NIPA2: variants seen among roughly 807,000 people sequenced by gnomAD.
The protein encoded by NIPA2 is magnesium transporter NIPA2.
NIPA2 carries 11 observed loss-of-function variants against 29.7 expected under a neutral mutation model. That is an observed-to-expected ratio of 0.37 (90% CI 0.23 to 0.61). NIPA2 has a LOEUF of 0.61. Ranked by LOEUF, NIPA2 falls within the 20% of genes least tolerant of loss-of-function variation. NIPA2 has a pLI of 0.66. For missense variants in NIPA2, 426 were observed against 437.9 expected, an observed-to-expected ratio of 0.97 and a Z score of 0.24; for synonymous variants, 183 against 161.9, an observed-to-expected ratio of 1.13 and a Z score of -0.99.
In NIPA2 at chr15:22,867,006, TAAAC is replaced by T. The variant is rs538797119; in HGVS notation, c.*166_*169del. 13 of 667,452 alleles carry T rather than the reference TAAAC, an allele frequency of 1.9e-5. No individual in the cohort carries two copies. Among genetic ancestry groups the T allele is most frequent in the Admixed American group, 1.3e-4 (4 of 29,818 alleles). 41.3% of individuals were successfully genotyped at this position (667,452 alleles called of 1,614,324 possible). On this transcript the variant is annotated 3_prime_UTR_variant, in exon 8 of 8. Coordinates refer to ENST00000337451, the MANE Select transcript of NIPA2 (RefSeq NM_030922.7). Reference sequence around the variant, plus strand: ...ACCAAGAAATTACTTTTCTTGTATTTAAACAAACAATGGTAGCTCACTAAAATGA... The same window carrying T: ...ACCAAGAAATTACTTTTCTTGTATTTAAACAATGGTAGCTCACTAAAATGA...
intron 7 of NIPA2, among the ~76,000 whole-genome samples, chr15:22,865,941 G>C (rs1409059049): frequency 6.6e-6 from 1 of 151,980 alleles, no homozygotes; most frequent in Non-Finnish European, 1.5e-5. Context: ...CTCTTGCCTG[G>C]TGAGCTAGAG....
At chr15:22,851,914 C>T (rs1382382239) in intron 4 of NIPA2, 44 bp downstream of exon 4, 5 of 1,532,276 alleles carry the variant, frequency 3.3e-6, no homozygotes, top group African/African-American at 1.4e-5. Context: ...TCAGTGTCTA[C>T]CTACATGCAC....
At chr15:22,864,610 C>T (rs1261977823) in intron 7 of NIPA2, among the ~76,000 whole-genome samples, 2 of 152,150 alleles carry the variant, frequency 1.3e-5, no homozygotes, top group African/African-American at 2.4e-5. Flanking sequence ...CTCTGTGGCA[C>T]GGGAGGGACA....
At chr15:22,853,043 A>T (rs575193786) in intron 4 of NIPA2, among the ~76,000 whole-genome samples, 169 bp from the exon 5 acceptor site, 1 of 152,278 alleles carries the variant, frequency 6.6e-6, no homozygotes, top group South Asian at 2.1e-4. Context: ...GGATTCATTC[A>T]CCTTGGCAAG....
rs890838600 is a variant in NIPA2 at position 22,864,948 on chromosome 15, A to G, written c.449-1265A>G. On this transcript the variant is annotated intron_variant, in intron 7 of 7. Transcript: ENST00000337451. ...ATGATCTCAGCTCATTGCAACCTCC[A>G]CCTCCCAGATTCAAGCGATTCTCCT... Among the ~76,000 whole-genome samples the G allele has an allele frequency of 2.8e-4, 42 of 151,554 alleles. 1 individual carries two copies. The highest frequency in any genetic ancestry group is 8.7e-4 in the African/African-American group (36 of 41,246).
At chr15:22,844,731 G>T (rs936520739) in intron 2 of NIPA2, among the ~76,000 whole-genome samples, 2 of 151,986 alleles carry the variant, frequency 1.3e-5, no homozygotes, top group African/African-American at 4.8e-5. Flanking sequence ...TCCAGCCTGG[G>T]AAACAGAGTG....
chr15:22,859,625 T>C (rs1206642631), intron 6 of NIPA2, among the ~76,000 whole-genome samples: 2 of 152,148 alleles, frequency 1.3e-5, no homozygotes, highest in Non-Finnish European at 2.9e-5. Flanking sequence ...CCTGGAGTGC[T>C]TGTTTTGAAT....
At chr15:22,845,781 G>A (rs948621479) in intron 3 of NIPA2, among the ~76,000 whole-genome samples, 4 of 152,026 alleles carry the variant, frequency 2.6e-5, no homozygotes, top group Non-Finnish European at 5.9e-5. Context: ...GGGGACTCTC[G>A]AAAGCCATAT....
chr15:22,847,671 C>T (rs914019247), intron 3 of NIPA2, among the ~76,000 whole-genome samples: 7 of 151,960 alleles, frequency 4.6e-5, no homozygotes, highest in Admixed American at 4.6e-4. Flanking sequence ...ACCATGTTGG[C>T]AAGGATGGTC....
At chr15:22,843,773 C>T (rs1027527318) in intron 2 of NIPA2, among the ~76,000 whole-genome samples, 2 of 151,958 alleles carry the variant, frequency 1.3e-5, no homozygotes, top group Non-Finnish European at 2.9e-5. Flanking sequence ...TCCTTAGCCT[C>T]ACCAGTAGCT....
chr15:22,859,380 C>T (rs1465321866), intron 6 of NIPA2, among the ~76,000 whole-genome samples: 1 of 150,962 alleles, frequency 6.6e-6, no homozygotes, highest in African/African-American at 2.4e-5. Context: ...GCAAGCTCCA[C>T]CTCCCGGGTT....
At chr15:22,854,247 C>T (rs995279790) in intron 5 of NIPA2, among the ~76,000 whole-genome samples, 3 of 151,944 alleles carry the variant, frequency 2.0e-5, no homozygotes, top group Non-Finnish European at 4.4e-5. Flanking sequence ...CCTGCCTCAT[C>T]CTCCTGAGTA....
chr15:22,839,701 G>A lies in NIPA2; in HGVS notation c.-305G>A, dbSNP rs930880780. 2 of 152,112 alleles carry A rather than the reference G, an allele frequency of 1.3e-5. No individual in the cohort carries two copies. Among genetic ancestry groups the A allele is most frequent in the African/African-American group, 4.8e-5 (2 of 41,406 alleles). The allele number at this position is 152,112 out of a possible 1,614,324, so 9.4% of individuals were successfully genotyped here. A position where few individuals can be genotyped will look rare whatever the true frequency, so the allele number is the denominator to read the frequency against. ...TTTAAGACTTTAAATGAGAATAAAG[G>A]GTGGTATTTACGAGGAAATGAGAGT... On this transcript the variant is annotated 5_prime_UTR_variant, in exon 2 of 8. Transcript: ENST00000337451.
At position 22,866,193 on chromosome 15, in the gene NIPA2, C is replaced by CT; in HGVS notation, c.449-16dup. The CT allele has an allele frequency of 6.2e-7, 1 of 1,600,468 alleles. No homozygotes were observed. The highest frequency in any genetic ancestry group is 8.5e-7 in the Non-Finnish European group (1 of 1,170,654). Reference sequence around the variant, plus strand: ...ACAACCAACCATTTGACTCATGTAACTTTTCTTTGCCTCCTCCAGGTTTTG... The same window carrying CT: ...ACAACCAACCATTTGACTCATGTAACTTTTTCTTTGCCTCCTCCAGGTTTTG... On this transcript the variant is annotated intron_variant, in intron 7 of 7. Transcript: ENST00000337451.
At chr15:22,843,370 G>A (rs1454335659) in intron 2 of NIPA2, among the ~76,000 whole-genome samples, 1 of 151,648 alleles carries the variant, frequency 6.6e-6, no homozygotes, top group Non-Finnish European at 1.5e-5. Context: ...GCCATGCATG[G>A]TGGTGGGTGC....
In NIPA2 at chr15:22,868,364, ATAAT is replaced by A. The variant is rs2059295561; in HGVS notation, c.*1518_*1521del. On this transcript the variant is annotated 3_prime_UTR_variant, in exon 8 of 8. Coordinates refer to ENST00000337451, the MANE Select transcript of NIPA2 (RefSeq NM_030922.7). The stretch of plus-strand genomic sequence containing the variant: ...CATTTGAACATGCATAGGTTAATAA[ATAAT>A]AAATTCTTATTTAACATTTTGTAGC... The A allele has an allele frequency of 6.6e-6, 1 of 151,970 alleles. No homozygotes were observed. Among genetic ancestry groups the A allele is most frequent in the South Asian group, 2.1e-4 (1 of 4,834 alleles). The allele number at this position is 151,970 out of a possible 1,614,324, so 9.4% of individuals were successfully genotyped here.
intron 3 of NIPA2, among the ~76,000 whole-genome samples, chr15:22,847,513 G>C (rs1005652666): frequency 1.8e-4 from 27 of 151,646 alleles, no homozygotes; most frequent in African/African-American, 6.3e-4. Flanking sequence ...CACCTAGGGT[G>C]GAATGCAGTG....
rs534868664 is a variant in NIPA2, at chr15:22,867,953, T to TAACC, written c.*1108_*1111dup. The TAACC allele has an allele frequency of 1.2e-4, 18 of 152,366 alleles. No individual in the cohort carries two copies. The South Asian group carries it at 3.7e-3, about 32-fold the overall frequency. 9.4% of individuals were successfully genotyped at this position (152,366 alleles called of 1,614,324 possible). On this transcript the variant is annotated 3_prime_UTR_variant, in exon 8 of 8. Coordinates refer to ENST00000337451, the MANE Select transcript of NIPA2 (RefSeq NM_030922.7). The stretch of plus-strand genomic sequence containing the variant: ...ATTCAGCTTTGAACCTATCCACTCA[T>TAACC]AACCATTGACTGGCCTTTAAAAAAA...
At chr15:22,858,694 C>T in intron 6 of NIPA2, 64 bp downstream of exon 6, 1 of 967,030 alleles carries the variant, frequency 1.0e-6, no homozygotes, top group Non-Finnish European at 1.5e-6. Context: ...TATTCAGTAC[C>T]ATCTAATTAA....
Sources: gnomAD v4.1 joint callset for allele counts (sites outside exome capture counted in the v4.1 genomes callset) on GRCh38, gnomAD v4.1.1 for gene constraint, MANE v1.5 for transcripts, NCBI Gene and HGNC (gene_info 2026-07-23, HGNC 2026-07-21) for gene names.